The following SRD5A2 variants were observed in gnomAD, a reference collection of about 807,000 sequenced individuals.
The protein encoded by SRD5A2 is steroid 5 alpha-reductase 2, also known as 3-oxo-5-alpha-steroid 4-dehydrogenase 2.
Under a neutral mutation model 27.4 loss-of-function variants are expected in SRD5A2, and 30 were observed. That is an observed-to-expected ratio of 1.10 (90% confidence interval 0.82 to 1.49). The LOEUF is 1.49. SRD5A2 is among the 40% of genes most tolerant of loss of function. The pLI is 0.00. For synonymous variants in SRD5A2, 141 were observed against 133.6 expected, an observed-to-expected ratio of 1.06 and a Z score of -0.38; for missense variants, 348 against 323.4, an observed-to-expected ratio of 1.08 and a Z score of -0.58.
the SRD5A2 span, among the ~76,000 whole-genome samples, chr2:31,638,830 G>A: frequency 5.9e-5 from 9 of 151,558 alleles, no homozygotes; most frequent in Non-Finnish European, 1.0e-4. Flanking sequence ...GGTTCTTGAA[G>A]ACAGTATATA....
chr2:31,662,135 C>G, the SRD5A2 span, among the ~76,000 whole-genome samples: 1 of 152,090 alleles, frequency 6.6e-6, no homozygotes, highest in Non-Finnish European at 1.5e-5. Flanking sequence ...TAACCATAGT[C>G]AGCTCCTATA....
At chr2:31,538,597 A>T (rs2148070212) in intron 1 of SRD5A2, among the ~76,000 whole-genome samples, 1 of 152,258 alleles carries the variant, frequency 6.6e-6, no homozygotes, top group East Asian at 1.9e-4. Context: ...TGAAAGCCCA[A>T]ATTCTTGACT....
At chr2:31,630,800 A>T in the SRD5A2 span, among the ~76,000 whole-genome samples, 7 of 152,214 alleles carry the variant, frequency 4.6e-5, no homozygotes, top group Non-Finnish European at 8.8e-5. Context: ...AATTCCCTTA[A>T]CCCAGCAGAT....
the SRD5A2 span, among the ~76,000 whole-genome samples, chr2:31,628,080 T>G: frequency 6.6e-6 from 1 of 152,140 alleles, no homozygotes; most frequent in Non-Finnish European, 1.5e-5. Flanking sequence ...GGTGTTAAAA[T>G]CTTTCACTAT....
At chr2:31,599,418 A>C in the SRD5A2 span, among the ~76,000 whole-genome samples, 401 of 152,114 alleles carry the variant, frequency 2.6e-3, 2 homozygotes, top group Middle Eastern at 0.014. Context: ...GTCACAAAAC[A>C]AGCTTTAAAA....
the SRD5A2 span, among the ~76,000 whole-genome samples, chr2:31,587,150 C>A: frequency 6.6e-6 from 1 of 152,184 alleles, no homozygotes; most frequent in African/African-American, 2.4e-5. Context: ...AAAAGCTCAT[C>A]ATCACTGATC....
At chr2:31,545,419 C>T (rs971866199) in intron 1 of SRD5A2, among the ~76,000 whole-genome samples, 1 of 152,000 alleles carries the variant, frequency 6.6e-6, no homozygotes, top group African/African-American at 2.4e-5. Context: ...AAGGATAACT[C>T]AAAATACAAA....
chr2:31,554,416 A>C (rs1429990054), intron 1 of SRD5A2, among the ~76,000 whole-genome samples: 2 of 152,200 alleles, frequency 1.3e-5, no homozygotes, highest in Non-Finnish European at 2.9e-5. Flanking sequence ...TGAAGAGGTC[A>C]TTTTTGCAAC....
At chr2:31,572,209 A>C (rs1055461447) in intron 1 of SRD5A2, among the ~76,000 whole-genome samples, 23 of 152,344 alleles carry the variant, frequency 1.5e-4, no homozygotes, top group African/African-American at 5.5e-4. Flanking sequence ...TAACATAGAA[A>C]CTGAAAACCA....
At chr2:31,603,222 A>AAAAAACAAACAACCCC in the SRD5A2 span, among the ~76,000 whole-genome samples, 1 of 151,924 alleles carries the variant, frequency 6.6e-6, no homozygotes, top group East Asian at 1.9e-4. Flanking sequence ...ATTTACAAAA[A>AAAAAACAAACAACCCC]ATTAAAAGTG....
the SRD5A2 span, among the ~76,000 whole-genome samples, chr2:31,628,754 G>C: frequency 6.6e-6 from 1 of 152,074 alleles, no homozygotes; most frequent in Non-Finnish European, 1.5e-5. Context: ...GACATTCTTG[G>C]TTGAAAATAG....
At chr2:31,614,423 G>C in the SRD5A2 span, among the ~76,000 whole-genome samples, 1 of 152,202 alleles carries the variant, frequency 6.6e-6, no homozygotes, top group African/African-American at 2.4e-5. Flanking sequence ...TGTGGCCTTG[G>C]GCAGCTCTGC....
chr2:31,556,077 T>C (rs1322886820), intron 1 of SRD5A2, among the ~76,000 whole-genome samples: 1 of 152,258 alleles, frequency 6.6e-6, no homozygotes, highest in African/African-American at 2.4e-5. Flanking sequence ...GAGCTCTCTA[T>C]ATGCCAAAGG....
chr2:31,584,923 A>G (rs1341670674), upstream of SRD5A2, among the ~76,000 whole-genome samples: 1 of 152,240 alleles, frequency 6.6e-6, no homozygotes, highest in East Asian at 1.9e-4. Flanking sequence ...GGAGTCTTGA[A>G]GCACTGAAGC....
upstream of SRD5A2, among the ~76,000 whole-genome samples, chr2:31,581,993 A>G (rs1293654552): frequency 6.6e-6 from 1 of 150,760 alleles, no homozygotes; most frequent in Non-Finnish European, 1.5e-5. Context: ...CTGTTTCCCA[A>G]CCCTTCTTTT....
the SRD5A2 span, among the ~76,000 whole-genome samples, chr2:31,626,155 CT>C: frequency 6.6e-6 from 1 of 151,550 alleles, no homozygotes; most frequent in Non-Finnish European, 1.5e-5. Flanking sequence ...TGATTTGGCT[CT>C]TTGTCTGTTA....
At chr2:31,611,207 C>T in the SRD5A2 span, among the ~76,000 whole-genome samples, 1 of 151,984 alleles carries the variant, frequency 6.6e-6, no homozygotes, top group Non-Finnish European at 1.5e-5. Flanking sequence ...TTTAAGCCAC[C>T]CAGATGACAT....
the SRD5A2 span, among the ~76,000 whole-genome samples, chr2:31,598,158 T>C: frequency 6.6e-6 from 1 of 152,110 alleles, no homozygotes; most frequent in South Asian, 2.1e-4. Context: ...GCAACCTGGA[T>C]GTAGTTGGAT....
At chr2:31,589,235 A>G in the SRD5A2 span, among the ~76,000 whole-genome samples, 1 of 152,162 alleles carries the variant, frequency 6.6e-6, no homozygotes, top group Non-Finnish European at 1.5e-5. Flanking sequence ...TGAACTGCCC[A>G]TGTCAAGAGA....
Sources: allele counts gnomAD v4.1 joint callset (sites outside exome capture counted in the v4.1 genomes callset), GRCh38; gene constraint gnomAD v4.1.1; transcripts MANE v1.5; gene names NCBI Gene and HGNC (gene_info 2026-07-23, HGNC 2026-07-21).